The following PRR16 variants were observed in gnomAD, a reference collection of about 807,000 sequenced individuals.
PRR16 encodes the protein protein Largen.
A neutral mutation model predicts 18.2 loss-of-function variants in PRR16; 6 were observed. The ratio of observed to expected loss-of-function variants is 0.33; its 90% CI spans 0.18 to 0.65. PRR16 has a LOEUF of 0.65. Ranked by LOEUF, PRR16 falls within the 30% of genes least tolerant of loss-of-function variation. PRR16 has a pLI of 0.74. For missense variants in PRR16, 412 were observed against 376.6 expected, an observed-to-expected ratio of 1.09 and a Z score of -0.78; for synonymous variants, 151 against 147.8, an observed-to-expected ratio of 1.02 and a Z score of -0.16.
intron 1 of PRR16, among the ~76,000 whole-genome samples, chr5:120,501,955 C>CAAAAAAAAA (rs548770948): frequency 6.8e-5 from 3 of 44,074 alleles, no homozygotes; most frequent in African/African-American, 1.4e-4. Flanking sequence ...TACTCCGTCT[C>CAAAAAAAAA]AAAAAAAAAA....
intron 1 of PRR16, among the ~76,000 whole-genome samples, chr5:120,467,780 A>G (rs1029184371): frequency 6.6e-6 from 1 of 152,142 alleles, no homozygotes; most frequent in Non-Finnish European, 1.5e-5. Context: ...GCCTTATTCT[A>G]CTCTCAGAAT....
At chr5:120,518,701 C>G (rs1751076967) in intron 1 of PRR16, among the ~76,000 whole-genome samples, 1 of 151,936 alleles carries the variant, frequency 6.6e-6, no homozygotes. Flanking sequence ...TATAGTGTGG[C>G]AAGATGACTA....
intron 1 of PRR16, among the ~76,000 whole-genome samples, chr5:120,486,503 T>C (rs1432362081): frequency 6.6e-6 from 1 of 152,004 alleles, no homozygotes; most frequent in Non-Finnish European, 1.5e-5. Flanking sequence ...GGTTGTTTTT[T>C]TCCTGTAAAT....
intron 1 of PRR16, among the ~76,000 whole-genome samples, chr5:120,637,715 G>T (rs1280937965): frequency 6.6e-6 from 1 of 151,996 alleles, no homozygotes; most frequent in Non-Finnish European, 1.5e-5. Context: ...TCGGGTGATG[G>T]GTATGCCAAA....
the PRR16 span, among the ~76,000 whole-genome samples, chr5:120,788,751 C>T: frequency 6.6e-6 from 1 of 151,988 alleles, no homozygotes; most frequent in Non-Finnish European, 1.5e-5. Flanking sequence ...TCATGAACAC[C>T]TTTAGTAATG....
the PRR16 span, among the ~76,000 whole-genome samples, chr5:120,697,412 G>A: frequency 1.3e-5 from 2 of 152,216 alleles, no homozygotes; most frequent in Middle Eastern, 3.2e-3. Flanking sequence ...AACTGGAATT[G>A]TACAGATGGC....
At chr5:120,703,404 G>C in the PRR16 span, among the ~76,000 whole-genome samples, 1 of 152,204 alleles carries the variant, frequency 6.6e-6, no homozygotes, top group African/African-American at 2.4e-5. Context: ...GGGCTCAGAG[G>C]CCTGACATAC....
chr5:120,503,671 G>T (rs1038078472), intron 1 of PRR16, among the ~76,000 whole-genome samples: 4 of 151,932 alleles, frequency 2.6e-5, no homozygotes, highest in Non-Finnish European at 5.9e-5. Flanking sequence ...TAAGTTTTAG[G>T]GTACATGTGC....
At chr5:120,744,366 A>G in the PRR16 span, among the ~76,000 whole-genome samples, 1 of 152,194 alleles carries the variant, frequency 6.6e-6, no homozygotes, top group Non-Finnish European at 1.5e-5. Context: ...GGCGCAGGCC[A>G]TGTCTCAATC....
chr5:120,483,020 A>G (rs927983118), intron 1 of PRR16, among the ~76,000 whole-genome samples: 27 of 152,202 alleles, frequency 1.8e-4, no homozygotes, highest in Admixed American at 1.3e-3. Flanking sequence ...TAGGTAGGTT[A>G]GGGAATGCTG....
the PRR16 span, among the ~76,000 whole-genome samples, chr5:120,771,719 A>G: frequency 7.0e-4 from 106 of 152,202 alleles, no homozygotes; most frequent in African/African-American, 2.4e-3. Flanking sequence ...GAAGGGGATT[A>G]ACAGTGAACC....
At chr5:120,754,462 G>T in the PRR16 span, among the ~76,000 whole-genome samples, 1 of 53,976 alleles carries the variant, frequency 1.9e-5, no homozygotes, top group African/African-American at 7.8e-5. Flanking sequence ...ATAATATATA[G>T]TATATAGTAT....
chr5:120,482,130 A>G (rs1166605448), intron 1 of PRR16, among the ~76,000 whole-genome samples: 1 of 152,194 alleles, frequency 6.6e-6, no homozygotes, highest in Non-Finnish European at 1.5e-5. Flanking sequence ...TTTTTAAAAA[A>G]ATAATTTCAG....
At chr5:120,483,714 G>T (rs988056258) in intron 1 of PRR16, among the ~76,000 whole-genome samples, 4 of 151,968 alleles carry the variant, frequency 2.6e-5, no homozygotes, top group African/African-American at 9.7e-5. Context: ...ATCTTTTATT[G>T]TGCTTGTCAG....
Position 120,607,893 on chromosome 5 carries a change from A to G in PRR16, c.160-78061A>G, listed in dbSNP as rs142341592. 3.9e-5 allele frequency among the ~76,000 whole-genome samples: 6 copies of G among 152,238 alleles called. No homozygotes were observed. The East Asian group carries it at 9.6e-4, about 24-fold the overall frequency. On this transcript the variant is annotated intron_variant, in intron 1 of 1. Transcript: ENST00000407149. ...CTTCTTTTTTTTAATCTCCCCTTGTAAATAAAGAAATAAATCAATAGTAGC... is the reference window on the plus strand; with the variant it reads ...CTTCTTTTTTTTAATCTCCCCTTGTGAATAAAGAAATAAATCAATAGTAGC...
the PRR16 span, among the ~76,000 whole-genome samples, chr5:120,751,312 T>C: frequency 6.6e-6 from 1 of 152,170 alleles, no homozygotes; most frequent in African/African-American, 2.4e-5. Flanking sequence ...CTGGATTATA[T>C]GGTAATTCTA....
chr5:120,746,997 ATTAAT>A, the PRR16 span, among the ~76,000 whole-genome samples: 113 of 152,338 alleles, frequency 7.4e-4, no homozygotes, highest in African/African-American at 2.5e-3. Flanking sequence ...AAATTAAAAT[ATTAAT>A]TTAAAGTCAG....
the PRR16 span, among the ~76,000 whole-genome samples, chr5:120,728,269 C>A: frequency 4.0e-5 from 6 of 150,910 alleles, no homozygotes; most frequent in South Asian, 1.3e-3. Flanking sequence ...AGCATTAAGA[C>A]ATACTACAAT....
chr5:120,679,071 C>A (rs113018214), intron 1 of PRR16, among the ~76,000 whole-genome samples: 2 of 152,000 alleles, frequency 1.3e-5, no homozygotes, highest in Non-Finnish European at 2.9e-5. Context: ...TTTAATTATT[C>A]CACAGTCTAC....
Sources: allele counts gnomAD v4.1 joint callset (sites outside exome capture counted in the v4.1 genomes callset), GRCh38; gene constraint gnomAD v4.1.1; transcripts MANE v1.5; gene names NCBI Gene and HGNC (gene_info 2026-07-23, HGNC 2026-07-21).